CLCN5: variants seen among roughly 807,000 people sequenced by gnomAD.
The protein encoded by CLCN5 is Cl-/H+ antiporter 5.
In CLCN5, 17 loss-of-function variants were observed where a neutral mutation model predicts 54.0. The observed-to-expected ratio is 0.31, with a 90% CI of 0.22 to 0.47. The LOEUF is 0.47. Among genes scored for constraint, CLCN5 ranks in the 20% least tolerant of loss-of-function variants. The pLI, the probability that CLCN5 is intolerant of heterozygous loss-of-function variation, is 1.00. For synonymous variants in CLCN5, 222 were observed against 233.0 expected (o/e 0.95, Z 0.43); for missense variants, 448 against 646.7 (o/e 0.69, Z 3.33).
chrX:50,094,251 GA>G lies in CLCN5; in HGVS notation c.*2039del, dbSNP rs1180210301. On this transcript the variant is annotated 3_prime_UTR_variant, in exon 15 of 15. Transcript: ENST00000376091. ...ATCACTCTAGCATTTTAATGAAAAAGAAAAAAATCTTTCTGGGGTATGTTGT... is the reference window on the plus strand; with the variant it reads ...ATCACTCTAGCATTTTAATGAAAAAGAAAAAATCTTTCTGGGGTATGTTGT... The G allele has an allele frequency of 1.8e-5, 2 of 111,447 alleles. No homozygotes were observed. Among genetic ancestry groups the G allele is most frequent in the Admixed American group, 9.5e-5 (1 of 10,527 alleles). The allele number at this position is 111,447 out of a possible 1,213,427, so 9.2% of individuals were successfully genotyped here.
In CLCN5 at chrX:49,955,403, T is replaced by C. The variant is rs782249419; in HGVS notation, c.16+30089T>C. On this transcript the variant is annotated intron_variant, in intron 3 of 14. Transcript: ENST00000376091. Reference sequence around the variant, plus strand: ...TTACAGAGTTGGCATGTTTTTTTTTTTTTAACAGCTTCCGATTAGCTGTTT... The same window carrying C: ...TTACAGAGTTGGCATGTTTTTTTTTCTTTAACAGCTTCCGATTAGCTGTTT... Among the ~76,000 whole-genome samples the C allele has an allele frequency of 2.0e-4, 22 of 110,803 alleles. 1 individual carries two copies. The highest frequency in any genetic ancestry group is 9.2e-3 in the Middle Eastern group (2 of 217).
At chrX:49,926,639 G>A (rs1345348975) in intron 3 of CLCN5, among the ~76,000 whole-genome samples, 1 of 112,009 alleles carries the variant, frequency 8.9e-6, no homozygotes, top group Non-Finnish European at 1.9e-5. Context: ...TGTGAGATGT[G>A]TAGGGGCGCG....
At chrX:49,924,928 A>G (rs909763464) in intron 2 of CLCN5, among the ~76,000 whole-genome samples, 30 of 112,121 alleles carry the variant, frequency 2.7e-4, no homozygotes, top group Non-Finnish European at 5.3e-4. Flanking sequence ...ATCAACTGAG[A>G]CTCAGACCTC....
chrX:49,981,824 C>T (rs1164819429), intron 3 of CLCN5, among the ~76,000 whole-genome samples: 6 of 109,933 alleles, frequency 5.5e-5, no homozygotes, highest in African/African-American at 2.0e-4. Context: ...TTCAATTCAT[C>T]AGACTCTTAG....
intron 7 of CLCN5, among the ~76,000 whole-genome samples, chrX:50,076,196 G>T (rs1557192121): frequency 1.8e-5 from 2 of 111,608 alleles, no homozygotes; most frequent in African/African-American, 6.5e-5. Flanking sequence ...GTTTAAAATG[G>T]TTTTTTGTTT....
At chrX:49,925,360 C>G (rs191071006) in intron 3 of CLCN5, 46 bp downstream of exon 3, 1 of 1,150,080 alleles carries the variant, frequency 8.7e-7, no homozygotes, top group Non-Finnish European at 1.2e-6. Context: ...TCCTCCTACT[C>G]TATTCTCTAC....
At chrX:50,043,373 A>G (rs1219284521) in intron 4 of CLCN5, among the ~76,000 whole-genome samples, 1 of 111,978 alleles carries the variant, frequency 8.9e-6, no homozygotes, top group African/African-American at 3.2e-5. Flanking sequence ...CCTTGCATCT[A>G]TGTCTTCTAG....
At chrX:49,934,667 A>G (rs1450891984) in intron 3 of CLCN5, among the ~76,000 whole-genome samples, 2 of 111,943 alleles carry the variant, frequency 1.8e-5, no homozygotes, top group Non-Finnish European at 3.8e-5. Context: ...CAGAAATTAA[A>G]ACATAGAGCA....
chrX:50,032,314 G>A (rs1339714187), intron 3 of CLCN5, among the ~76,000 whole-genome samples: 4 of 111,557 alleles, frequency 3.6e-5, no homozygotes, highest in Non-Finnish European at 3.8e-5. Context: ...CACAATGGTT[G>A]AACTAGTTTA....
intron 9 of CLCN5, among the ~76,000 whole-genome samples, chrX:50,082,992 G>A (rs1278461557): frequency 2.7e-5 from 3 of 110,767 alleles, no homozygotes; most frequent in African/African-American, 9.9e-5. Flanking sequence ...GTTTTGAGGA[G>A]GAAGGACTTT....
At chrX:50,067,186 C>T (rs1426705514) in intron 4 of CLCN5, among the ~76,000 whole-genome samples, 5 of 111,800 alleles carry the variant, frequency 4.5e-5, no homozygotes, top group Non-Finnish European at 9.4e-5. Context: ...GGCATAGAAT[C>T]GTAATGAATG....
In CLCN5 at chrX:49,925,156, T is replaced by C; in HGVS notation, c.-128-15T>C. Reference sequence around the variant, plus strand: ...AGTTTCTTTTAGGTATTCATTTTTCTGTTTACATTTTCAGGTTTGGGGCTT... The same window carrying C: ...AGTTTCTTTTAGGTATTCATTTTTCCGTTTACATTTTCAGGTTTGGGGCTT... On this transcript the variant is annotated splice_polypyrimidine_tract_variant and intron_variant, in intron 2 of 14. Coordinates refer to ENST00000376091, the MANE Select transcript of CLCN5 (RefSeq NM_001127898.4). 1.6e-6 allele frequency: 1 copy of C among 606,681 alleles called. No homozygotes were observed. Among genetic ancestry groups the C allele is most frequent in the East Asian group, 3.3e-5 (1 of 30,764 alleles). 50.0% of individuals were successfully genotyped at this position (606,681 alleles called of 1,213,427 possible). A position where few individuals can be genotyped will look rare whatever the true frequency, so the allele number is the denominator to read the frequency against.
In CLCN5 at chrX:50,030,765, T is replaced by C. The variant is rs781934431; in HGVS notation, c.17-11551T>C. Among the ~76,000 whole-genome samples the C allele has an allele frequency of 7.4e-4, 83 of 112,535 alleles. 1 individual carries two copies. Among genetic ancestry groups the C allele is most frequent in the African/African-American group, 2.5e-3 (79 of 31,064 alleles). On this transcript the variant is annotated intron_variant, in intron 3 of 14. Transcript: ENST00000376091. ...GACATCTGTTGAGATAAGATAATTATGGATTTAAAATTTTTATCTGTTAAT... is the reference window on the plus strand; with the variant it reads ...GACATCTGTTGAGATAAGATAATTACGGATTTAAAATTTTTATCTGTTAAT...
chrX:49,930,646 A>G (rs1925594222), intron 3 of CLCN5, among the ~76,000 whole-genome samples: 1 of 111,580 alleles, frequency 9.0e-6, no homozygotes, highest in African/African-American at 3.3e-5. Flanking sequence ...TGAAGACCCC[A>G]AGTATACTAA....
intron 3 of CLCN5, among the ~76,000 whole-genome samples, chrX:50,032,776 T>G (rs1557186033): frequency 9.1e-6 from 1 of 109,825 alleles, no homozygotes; most frequent in East Asian, 2.8e-4. Context: ...TTTGGTGTTT[T>G]GGACATGAAG....
At chrX:50,068,546 C>T (rs1933117680) in intron 4 of CLCN5, among the ~76,000 whole-genome samples, 1 of 101,712 alleles carries the variant, frequency 9.8e-6, no homozygotes, top group Non-Finnish European at 2.0e-5. Flanking sequence ...TGCACCTTGC[C>T]TGTGAAAGGC....
intron 3 of CLCN5, among the ~76,000 whole-genome samples, chrX:49,990,885 C>T (rs181658036): frequency 1.8e-5 from 2 of 112,602 alleles, no homozygotes; most frequent in East Asian, 2.8e-4. Flanking sequence ...GCCATTATTT[C>T]GTTCCTTTTT....
intron 4 of CLCN5, among the ~76,000 whole-genome samples, chrX:50,047,473 C>T (rs1177023273): frequency 9.0e-6 from 1 of 111,063 alleles, no homozygotes; most frequent in Non-Finnish European, 1.9e-5. Flanking sequence ...ATGATGATGT[C>T]CACAGGCTTT....
chrX:49,948,393 C>G (rs899596831), intron 3 of CLCN5, among the ~76,000 whole-genome samples: 4 of 111,033 alleles, frequency 3.6e-5, no homozygotes, highest in African/African-American at 1.3e-4. Flanking sequence ...CTTGGATGCT[C>G]CACTATCAGC....
Sources: allele counts gnomAD v4.1 joint callset (sites outside exome capture counted in the v4.1 genomes callset), GRCh38; gene constraint gnomAD v4.1.1; transcripts MANE v1.5; gene names NCBI Gene and HGNC (gene_info 2026-07-23, HGNC 2026-07-21).